Variants in SPATA17 observed in about 807,000 individuals in gnomAD.
The protein encoded by SPATA17 is spermatogenesis-associated protein 17.
In SPATA17, 53 loss-of-function variants were observed where a neutral mutation model predicts 62.2. The ratio of observed to expected loss-of-function variants is 0.85; its 90% CI spans 0.68 to 1.07. SPATA17 has a LOEUF of 1.07. Among genes scored for constraint, SPATA17 ranks in the 50% least tolerant of loss-of-function variants. SPATA17 has a pLI of 0.00. For synonymous variants in SPATA17, 146 were observed against 146.8 expected, an observed-to-expected ratio of 0.99 and a Z score of 0.04; for missense variants, 466 against 425.5, an observed-to-expected ratio of 1.10 and a Z score of -0.84.
intron 6 of SPATA17, among the ~76,000 whole-genome samples, chr1:217,770,880 G>A (rs1043367897): frequency 6.7e-6 from 1 of 148,530 alleles, no homozygotes; most frequent in Non-Finnish European, 1.5e-5. Flanking sequence ...TGCTCAACCT[G>A]ACATAATTAA....
rs778168154 is a variant in SPATA17, at chr1:217,742,009, A to G, written c.430A>G (p.Arg144Gly). 3 of 1,614,068 alleles carry G rather than the reference A, an allele frequency of 1.9e-6. No individual in the cohort carries two copies. The highest frequency in any genetic ancestry group is 2.5e-6 in the Non-Finnish European group (3 of 1,179,934). The change falls in exon 6 of 11, where the codon AGA (arginine) becomes GGA (glycine). Residue 144 changes from arginine (R) to glycine (G), a missense_variant. Coordinates refer to ENST00000366933, the MANE Select transcript of SPATA17 (RefSeq NM_138796.4). ...ALEEFAEMKE[R>G]EEKKANLERE... The stretch of plus-strand genomic sequence containing the variant: ...GGAGGAGTTTGCAGAAATGAAAGAA[A>G]GAGAAGAGAAGAAGGCTAACCTCGA...
At chr1:217,653,770 A>G (rs1473903174) in intron 3 of SPATA17, among the ~76,000 whole-genome samples, 1 of 152,102 alleles carries the variant, frequency 6.6e-6, no homozygotes, top group African/African-American at 2.4e-5. Flanking sequence ...TACTTTTTCA[A>G]TTTGAATGCC....
intron 5 of SPATA17, among the ~76,000 whole-genome samples, chr1:217,699,293 G>A (rs545729982): frequency 9.9e-5 from 15 of 152,178 alleles, no homozygotes; most frequent in Admixed American, 3.9e-4. Flanking sequence ...CTGTTTTCCT[G>A]AGCAGCTGTA....
In SPATA17 at chr1:217,742,078, T is replaced by C. The variant is rs1331150244; in HGVS notation, c.499T>C (p.Tyr167His). Residue 167 changes from tyrosine (Y) to histidine (H), a missense_variant, in exon 6 of 11, where the codon TAC becomes CAC. By Grantham distance (83) the Tyr-to-His change is moderately conservative (BLOSUM62 2). Transcript: ENST00000366933. The stretch of plus-strand genomic sequence containing the variant: ...AGATTACCAAGCCCGAAAGATGCAT[T>C]ACCTCCTCAGCACAAAGCAGGTTGG... Reference protein sequence around the residue: ...KRDYQARKMHYLLSTKQIPGI... With the variant: ...KRDYQARKMHHLLSTKQIPGI... 1.2e-6 allele frequency: 2 copies of C among 1,614,106 alleles called. No homozygotes were observed. The highest frequency in any genetic ancestry group is 3.3e-5 in the Admixed American group (2 of 60,016).
At chr1:217,774,131 TG>T (rs1413183797) in intron 6 of SPATA17, among the ~76,000 whole-genome samples, 2 of 152,178 alleles carry the variant, frequency 1.3e-5, no homozygotes, top group Admixed American at 6.5e-5. Flanking sequence ...TGAAAGATAT[TG>T]AAATTGTTGG....
At position 217,839,378 on chromosome 1, in the gene SPATA17, T is replaced by C. The variant is rs190042455; in HGVS notation, c.1006-23396T>C. ...ATGGCAGCTAATGAAGTGTGTGGAA[T>C]GGTCACAGCTTGTCGTGAAACTGTT... On this transcript the variant is annotated intron_variant, in intron 9 of 10. Coordinates refer to ENST00000366933, the MANE Select transcript of SPATA17 (RefSeq NM_138796.4). Among the ~76,000 whole-genome samples the C allele has an allele frequency of 6.2e-3, 938 of 152,208 alleles. 29 individuals are homozygous for C. The highest frequency in any genetic ancestry group is 0.058 in the Admixed American group (877 of 15,250).
chr1:217,850,658 A>G, intron 9 of SPATA17: 1 of 1,552,460 alleles, frequency 6.4e-7, no homozygotes, highest in Non-Finnish European at 8.8e-7. Context: ...AGATACGAGG[A>G]TGCTGCGAAT....
At chr1:217,730,892 A>G (rs1471180343) in intron 5 of SPATA17, among the ~76,000 whole-genome samples, 4 of 152,164 alleles carry the variant, frequency 2.6e-5, no homozygotes, top group Non-Finnish European at 5.9e-5. Context: ...AATAATATGT[A>G]AACTTTTTAG....
intron 9 of SPATA17, among the ~76,000 whole-genome samples, chr1:217,833,534 T>G (rs909460172): frequency 3.3e-5 from 5 of 152,208 alleles, no homozygotes; most frequent in African/African-American, 1.2e-4. Context: ...ATAAGTCAAG[T>G]CACTACCTTC....
At chr1:217,685,464 T>C (rs1009145166) in intron 5 of SPATA17, among the ~76,000 whole-genome samples, 4 of 152,238 alleles carry the variant, frequency 2.6e-5, no homozygotes, top group African/African-American at 9.6e-5. Flanking sequence ...TTTAGAGTGG[T>C]ATTCTTTAGT....
chr1:217,635,155 C>T (rs1323911833), intron 1 of SPATA17, among the ~76,000 whole-genome samples: 1 of 152,166 alleles, frequency 6.6e-6, no homozygotes, highest in Non-Finnish European at 1.5e-5. Context: ...TGTTCCTCTT[C>T]CACTGTGTTT....
chr1:217,843,835 C>T (rs1392976330), intron 9 of SPATA17, among the ~76,000 whole-genome samples: 1 of 152,080 alleles, frequency 6.6e-6, no homozygotes, highest in African/African-American at 2.4e-5. Context: ...TAGAATAGAA[C>T]CTTTGATTTA....
intron 1 of SPATA17, among the ~76,000 whole-genome samples, chr1:217,642,568 C>G (rs1009404422): frequency 5.9e-5 from 9 of 152,134 alleles, no homozygotes; most frequent in African/African-American, 2.2e-4. Flanking sequence ...TTGAAATCCC[C>G]CTAATCCTTA....
intron 6 of SPATA17, among the ~76,000 whole-genome samples, chr1:217,770,328 A>G (rs975381930): frequency 2.0e-5 from 3 of 152,194 alleles, no homozygotes; most frequent in African/African-American, 7.2e-5. Flanking sequence ...CGTAATTGTC[A>G]TTTGTGAAAG....
intron 9 of SPATA17, among the ~76,000 whole-genome samples, chr1:217,833,382 T>A (rs17727672): frequency 0.032 from 4,914 of 152,226 alleles, 113 homozygotes; most frequent in Middle Eastern, 0.065. Flanking sequence ...TTCTCTACAG[T>A]GTAATTATAT....
intron 9 of SPATA17, among the ~76,000 whole-genome samples, chr1:217,828,887 T>G (rs1220448879): frequency 6.6e-6 from 1 of 152,040 alleles, no homozygotes; most frequent in Non-Finnish European, 1.5e-5. Context: ...TTCAAATCAC[T>G]GAGATATCAC....
At chr1:217,769,644 T>G (rs1427436832) in intron 6 of SPATA17, among the ~76,000 whole-genome samples, 1 of 152,240 alleles carries the variant, frequency 6.6e-6, no homozygotes, top group Non-Finnish European at 1.5e-5. Flanking sequence ...TAAAAATTCC[T>G]TCTTAACTAA....
intron 5 of SPATA17, among the ~76,000 whole-genome samples, chr1:217,707,298 G>T (rs1671758885): frequency 6.6e-6 from 1 of 152,112 alleles, no homozygotes; most frequent in African/African-American, 2.4e-5. Flanking sequence ...CTTTGCTGAA[G>T]TTGTTATCAG....
At chr1:217,859,172 A>C (rs1173861796) in intron 9 of SPATA17, among the ~76,000 whole-genome samples, 1 of 146,646 alleles carries the variant, frequency 6.8e-6, no homozygotes, top group South Asian at 2.1e-4. Flanking sequence ...ATAAAATTTT[A>C]TATAATATAA....
Sources: allele counts gnomAD v4.1 joint callset (sites outside exome capture counted in the v4.1 genomes callset), GRCh38; gene constraint gnomAD v4.1.1; transcripts MANE v1.5; gene names NCBI Gene and HGNC (gene_info 2026-07-23, HGNC 2026-07-21).